MARCHF3: variants seen among roughly 807,000 people sequenced by gnomAD.
The protein encoded by MARCHF3 is E3 ubiquitin-protein ligase MARCHF3.
A neutral mutation model predicts 24.2 loss-of-function variants in MARCHF3; 13 were observed. That is an observed-to-expected ratio of 0.54 (90% CI 0.35 to 0.85). The LOEUF (loss-of-function observed/expected upper bound fraction) is 0.85. MARCHF3 is among the 40% of genes least tolerant of loss of function. MARCHF3 has a pLI of 0.01. For missense variants in MARCHF3, 276 were observed against 325.0 expected (o/e 0.85, Z 1.16); for synonymous variants, 144 against 137.3 (o/e 1.05, Z -0.34).
intron 3 of MARCHF3, among the ~76,000 whole-genome samples, chr5:126,881,083 A>G (rs1270571435): frequency 6.6e-6 from 1 of 152,172 alleles, no homozygotes; most frequent in Non-Finnish European, 1.5e-5. Flanking sequence ...GTGCAAAGAC[A>G]AACTAGAGAT....
intron 1 of MARCHF3, among the ~76,000 whole-genome samples, chr5:127,005,016 AC>A (rs1279827445): frequency 6.6e-6 from 1 of 152,072 alleles, no homozygotes; most frequent in Non-Finnish European, 1.5e-5. Context: ...TTTGTTGAAT[AC>A]TAAAGTTCCC....
At chr5:126,942,635 T>A (rs151271713) in intron 1 of MARCHF3, among the ~76,000 whole-genome samples, 4 of 152,324 alleles carry the variant, frequency 2.6e-5, no homozygotes, top group Admixed American at 6.5e-5. Context: ...ATGTTTGACA[T>A]CTCTATAAGT....
Position 126,930,985 on chromosome 5 carries a change from C to T in MARCHF3, c.-56-12758G>A, listed in dbSNP as rs144528981. Among the ~76,000 whole-genome samples, 12 of 152,288 alleles carry T rather than the reference C, an allele frequency of 7.9e-5. No individual in the cohort carries two copies. The East Asian group carries it at 2.3e-3, about 29-fold the overall frequency. On this transcript the variant is annotated intron_variant, in intron 1 of 4. Coordinates refer to ENST00000308660, the MANE Select transcript of MARCHF3 (RefSeq NM_178450.5). ...CTGTCCACATACTTTGAGAGGGAAG[C>T]ATTCATGAAAAATGTGTATTTTGGG...
At chr5:127,023,773 TAAATA>T (rs1480257725) in intron 1 of MARCHF3, among the ~76,000 whole-genome samples, 4 of 116,852 alleles carry the variant, frequency 3.4e-5, no homozygotes, top group Non-Finnish European at 5.9e-5. Context: ...AATAAATAAA[TAAATA>T]AAAATAAAAA....
intron 1 of MARCHF3, among the ~76,000 whole-genome samples, chr5:127,005,563 G>C (rs535715167): frequency 2.6e-5 from 4 of 152,216 alleles, no homozygotes; most frequent in African/African-American, 9.6e-5. Flanking sequence ...CCATCAATAG[G>C]CATGTGACTG....
chr5:126,942,171 A>G (rs76586824), intron 1 of MARCHF3, among the ~76,000 whole-genome samples: 56 of 152,330 alleles, frequency 3.7e-4, no homozygotes, highest in African/African-American at 1.2e-3. Flanking sequence ...AAGCTCCACT[A>G]TGGCCATCAT....
intron 1 of MARCHF3, among the ~76,000 whole-genome samples, chr5:126,939,523 T>C (rs1322662113): frequency 6.6e-6 from 1 of 152,180 alleles, no homozygotes; most frequent in Admixed American, 6.5e-5. Context: ...CACAGAACCA[T>C]AGTATCTGAG....
chr5:126,977,674 T>C (rs1231340289), intron 1 of MARCHF3, among the ~76,000 whole-genome samples: 2 of 152,228 alleles, frequency 1.3e-5, no homozygotes, highest in African/African-American at 2.4e-5. Flanking sequence ...CATACTCATA[T>C]AAGTGTGCAA....
In MARCHF3 at chr5:126,914,899, TAA is replaced by T. The variant is rs1043160685; in HGVS notation, c.393+29_393+30del. On this transcript the variant is annotated intron_variant, in intron 3 of 4. Transcript: ENST00000308660. Reference sequence around the variant, plus strand: ...ACAGACATCATTTGCTCATTAGAGCTAAGTTTTCAGGACGTGCCCCACTTACT... The same window carrying T: ...ACAGACATCATTTGCTCATTAGAGCTGTTTTCAGGACGTGCCCCACTTACT... 7.4e-6 allele frequency: 12 copies of T among 1,612,090 alleles called. No homozygotes were observed. In the South Asian group the frequency reaches 1.3e-4, roughly 18 times the overall value.
chr5:126,974,023 G>A (rs1431685167), intron 1 of MARCHF3, among the ~76,000 whole-genome samples: 5 of 150,728 alleles, frequency 3.3e-5, no homozygotes, highest in African/African-American at 2.4e-5. Context: ...TCAGCCTCCC[G>A]AGTAGCTGGG....
chr5:126,912,711 G>T (rs1754580998), intron 3 of MARCHF3, among the ~76,000 whole-genome samples: 1 of 152,152 alleles, frequency 6.6e-6, no homozygotes, highest in Non-Finnish European at 1.5e-5. Flanking sequence ...CCCGCACCTG[G>T]TTCTCATTTG....
At chr5:126,942,682 A>AG (rs1474835059) in intron 1 of MARCHF3, among the ~76,000 whole-genome samples, 3 of 152,248 alleles carry the variant, frequency 2.0e-5, no homozygotes, top group Non-Finnish European at 4.4e-5. Flanking sequence ...TAAAGCCACT[A>AG]GTTAATTTAC....
chr5:126,969,140 T>G (rs912293123), intron 1 of MARCHF3, among the ~76,000 whole-genome samples: 1 of 152,258 alleles, frequency 6.6e-6, no homozygotes, highest in African/African-American at 2.4e-5. Flanking sequence ...CAATTAGTTC[T>G]TATGCATCTG....
intron 3 of MARCHF3, among the ~76,000 whole-genome samples, chr5:126,909,965 C>T (rs1028104942): frequency 6.6e-6 from 1 of 152,198 alleles, no homozygotes; most frequent in African/African-American, 2.4e-5. Context: ...AAAACATGCT[C>T]AGTTTCAATT....
At chr5:127,008,783 A>T (rs1328558553) in intron 1 of MARCHF3, among the ~76,000 whole-genome samples, 2 of 152,224 alleles carry the variant, frequency 1.3e-5, no homozygotes, top group Admixed American at 6.5e-5. Context: ...GTCATATGGC[A>T]GGCAACGGGC....
At chr5:126,917,833 G>C in intron 2 of MARCHF3, 151 bp downstream of exon 2, 1 of 746,178 alleles carries the variant, frequency 1.3e-6, no homozygotes. Flanking sequence ...GGCAATAACA[G>C]AACTCGTGTA....
chr5:126,929,365 C>T (rs757124957), intron 1 of MARCHF3, among the ~76,000 whole-genome samples: 3 of 152,180 alleles, frequency 2.0e-5, no homozygotes, highest in Non-Finnish European at 2.9e-5. Flanking sequence ...TAATGTATGG[C>T]GGTCCCACTT....
chr5:126,954,251 GTGT>G, intron 1 of MARCHF3, among the ~76,000 whole-genome samples: 2 of 138,954 alleles, frequency 1.4e-5, no homozygotes, highest in Non-Finnish European at 3.0e-5. Flanking sequence ...AGGTTTCACC[GTGT>G]TAGCCAGGAT....
intron 1 of MARCHF3, among the ~76,000 whole-genome samples, chr5:126,972,495 T>C (rs1474658871): frequency 6.6e-6 from 1 of 152,142 alleles, no homozygotes; most frequent in African/African-American, 2.4e-5. Context: ...TGAGGTCAAT[T>C]AACAAGATAT....
Sources: gnomAD v4.1 joint callset for allele counts (sites outside exome capture counted in the v4.1 genomes callset) on GRCh38, gnomAD v4.1.1 for gene constraint, MANE v1.5 for transcripts, NCBI Gene and HGNC (gene_info 2026-07-23, HGNC 2026-07-21) for gene names.